The following PTPRT variants were observed in gnomAD, a reference collection of about 807,000 sequenced individuals.
The protein encoded by PTPRT is receptor-type tyrosine-protein phosphatase T.
In PTPRT, 56 loss-of-function variants were observed where a neutral mutation model predicts 176.8. That is an observed-to-expected ratio of 0.32 (90% CI 0.26 to 0.40). The LOEUF is 0.40. Among genes scored for constraint, PTPRT ranks in the 10% least tolerant of loss-of-function variants. The pLI is 1.00. For synonymous variants in PTPRT, 783 were observed against 739.0 expected (o/e 1.06, Z -0.96); for missense variants, 1,540 against 1,908.2 (o/e 0.81, Z 3.60).
At chr20:42,937,200 A>G (rs1980240889) in intron 1 of PTPRT, among the ~76,000 whole-genome samples, 1 of 152,242 alleles carries the variant, frequency 6.6e-6, no homozygotes, top group Non-Finnish European at 1.5e-5. Context: ...CCAGCATTTA[A>G]TGTGCAGCTA....
At chr20:42,279,316 C>T (rs1217045455) in intron 13 of PTPRT, among the ~76,000 whole-genome samples, 1 of 151,938 alleles carries the variant, frequency 6.6e-6, no homozygotes, top group African/African-American at 2.4e-5. Context: ...GAATTTTGAA[C>T]ACAGTCAAGC....
chr20:42,563,602 C>A (rs1030627582), intron 7 of PTPRT, among the ~76,000 whole-genome samples: 1 of 151,980 alleles, frequency 6.6e-6, no homozygotes, highest in Non-Finnish European at 1.5e-5. Flanking sequence ...ACCCAAATGC[C>A]CAGAAATAGG....
At chr20:42,093,629 C>G (rs1355887377) in intron 27 of PTPRT, among the ~76,000 whole-genome samples, 1 of 152,238 alleles carries the variant, frequency 6.6e-6, no homozygotes, top group African/African-American at 2.4e-5. Context: ...AACGTACGCT[C>G]TTATGGTTCC....
chr20:43,018,354 GAATA>G (rs1985474707), intron 1 of PTPRT, among the ~76,000 whole-genome samples: 1 of 151,992 alleles, frequency 6.6e-6, no homozygotes, highest in African/African-American at 2.4e-5. Context: ...ACCAAACTCA[GAATA>G]AATTACAAAT....
chr20:42,217,481 T>C lies in PTPRT; in HGVS notation c.2343-18093A>G, dbSNP rs536973490. On this transcript the variant is annotated intron_variant, in intron 15 of 30. Coordinates refer to ENST00000373187, the MANE Select transcript of PTPRT (RefSeq NM_007050.6). Reference sequence around the variant, plus strand: ...AAAACTGTAGATGGGCATAAGACCATCTATCCTTTAATCCACAATTCCCAT... The same window carrying C: ...AAAACTGTAGATGGGCATAAGACCACCTATCCTTTAATCCACAATTCCCAT... Among the ~76,000 whole-genome samples, 39 of 151,714 alleles carry C rather than the reference T, an allele frequency of 2.6e-4. 1 individual carries two copies. The South Asian group carries it at 7.3e-3, about 28-fold the overall frequency.
At chr20:42,035,786 CT>C in the PTPRT span, among the ~76,000 whole-genome samples, 1 of 152,200 alleles carries the variant, frequency 6.6e-6, no homozygotes, top group Non-Finnish European at 1.5e-5. Flanking sequence ...GTGGTCATTT[CT>C]GGCAGGAGCT....
At chr20:42,327,752 T>C (rs944139926) in intron 11 of PTPRT, among the ~76,000 whole-genome samples, 3 of 152,058 alleles carry the variant, frequency 2.0e-5, no homozygotes, top group Non-Finnish European at 4.4e-5. Flanking sequence ...TGTTTAAGCT[T>C]AATAATAGAA....
chr20:42,418,329 TA>T (rs2059085326), intron 9 of PTPRT, among the ~76,000 whole-genome samples: 1 of 152,160 alleles, frequency 6.6e-6, no homozygotes, highest in Non-Finnish European at 1.5e-5. Flanking sequence ...GTGACTCACA[TA>T]ATGTTTCTAC....
At chr20:42,480,693 G>A (rs2071370144) in intron 7 of PTPRT, among the ~76,000 whole-genome samples, 1 of 152,172 alleles carries the variant, frequency 6.6e-6, no homozygotes, top group Non-Finnish European at 1.5e-5. Flanking sequence ...ATACAGTACA[G>A]CATTGAAACC....
At chr20:42,389,866 A>AAAAAG (rs140956099) in intron 9 of PTPRT, among the ~76,000 whole-genome samples, 10,944 of 138,128 alleles carry the variant, frequency 0.079, 569 homozygotes, top group African/African-American at 0.13. Flanking sequence ...AAAAAAAAAA[A>AAAAAG]AAAGAAAGAA....
chr20:43,057,085 T>C (rs1247019784), intron 1 of PTPRT, among the ~76,000 whole-genome samples: 2 of 151,616 alleles, frequency 1.3e-5, no homozygotes, highest in African/African-American at 2.4e-5. Context: ...AAAATTGTAG[T>C]GATAGAAAAC....
chr20:42,412,870 T>C (rs935882610), intron 9 of PTPRT, among the ~76,000 whole-genome samples: 4 of 152,132 alleles, frequency 2.6e-5, no homozygotes, highest in African/African-American at 7.2e-5. Flanking sequence ...AGCAGATCAC[T>C]GGTTTTCAGG....
Position 42,679,012 on chromosome 20 carries a change from A to C in PTPRT, c.860-853T>G, listed in dbSNP as rs143010503. 2.9e-3 allele frequency among the ~76,000 whole-genome samples: 441 copies of C among 152,318 alleles called. 2 individuals are homozygous for C. The highest frequency in any genetic ancestry group is 6.9e-3 in the Admixed American group (106 of 15,300). ...CAGGTTTCTTCCAGCAGAGAAAGTCATGGGTCACAGCAGACCCAGCAGGAA... is the reference window on the plus strand; with the variant it reads ...CAGGTTTCTTCCAGCAGAGAAAGTCCTGGGTCACAGCAGACCCAGCAGGAA... On this transcript the variant is annotated intron_variant, in intron 6 of 30. Coordinates refer to ENST00000373187, the MANE Select transcript of PTPRT (RefSeq NM_007050.6).
At chr20:43,108,480 G>C (rs1212796344) in intron 1 of PTPRT, among the ~76,000 whole-genome samples, 1 of 152,092 alleles carries the variant, frequency 6.6e-6, no homozygotes, top group Non-Finnish European at 1.5e-5. Flanking sequence ...AGCACCATGA[G>C]AGATAATAAT....
At chr20:42,222,897 G>T (rs1400058140) in intron 15 of PTPRT, among the ~76,000 whole-genome samples, 3 of 152,226 alleles carry the variant, frequency 2.0e-5, no homozygotes, top group Non-Finnish European at 4.4e-5. Context: ...GCCCAGGCTT[G>T]TGACTGGTGT....
intron 9 of PTPRT, among the ~76,000 whole-genome samples, chr20:42,429,260 G>T (rs145293072): frequency 2.0e-5 from 3 of 152,088 alleles, no homozygotes; most frequent in Non-Finnish European, 2.9e-5. Context: ...CATGGGATTC[G>T]AGCAGGAAAT....
chr20:42,746,168 T>G (rs575367492), intron 6 of PTPRT, among the ~76,000 whole-genome samples: 1 of 152,368 alleles, frequency 6.6e-6, no homozygotes, highest in East Asian at 1.9e-4. Flanking sequence ...TATCAGGTTT[T>G]ATTTATCCAC....
chr20:42,349,043 G>A (rs1433715689), intron 11 of PTPRT, among the ~76,000 whole-genome samples: 1 of 152,166 alleles, frequency 6.6e-6, no homozygotes, highest in Non-Finnish European at 1.5e-5. Context: ...CTTCTAAATT[G>A]GTGGTGGTTG....
At chr20:42,717,287 T>C (rs893391135) in intron 6 of PTPRT, among the ~76,000 whole-genome samples, 31 of 151,108 alleles carry the variant, frequency 2.1e-4, no homozygotes, top group Admixed American at 6.6e-5. Flanking sequence ...CAACAAGACA[T>C]CAAAATAATG....
Sources: allele counts gnomAD v4.1 joint callset (sites outside exome capture counted in the v4.1 genomes callset), GRCh38; gene constraint gnomAD v4.1.1; transcripts MANE v1.5; gene names NCBI Gene and HGNC (gene_info 2026-07-23, HGNC 2026-07-21).